SMAD5: variants seen among roughly 807,000 people sequenced by gnomAD.
SMAD5 encodes MAD, mothers against decapentaplegic homolog 5.
A neutral mutation model predicts 43.1 loss-of-function variants in SMAD5; 9 were observed. The ratio of observed to expected loss-of-function variants is 0.21; its 90% confidence interval spans 0.13 to 0.36. The LOEUF is 0.36. SMAD5 is among the 10% of genes least tolerant of loss of function. The pLI, the probability that SMAD5 is intolerant of heterozygous loss-of-function variation, is 1.00. For synonymous variants in SMAD5, 190 were observed against 192.4 expected, an observed-to-expected ratio of 0.99 and a Z score of 0.10; for missense variants, 348 against 574.0, an observed-to-expected ratio of 0.61 and a Z score of 4.02.
chr5:136,143,533 C>T (rs1012272064), intron 1 of SMAD5, among the ~76,000 whole-genome samples: 3 of 151,992 alleles, frequency 2.0e-5, no homozygotes, highest in African/African-American at 7.2e-5. Flanking sequence ...TGTGGTTGTG[C>T]CTTTCCCTTT....
At chr5:136,169,388 G>A (rs1472349492) in intron 5 of SMAD5, among the ~76,000 whole-genome samples, 4 of 152,048 alleles carry the variant, frequency 2.6e-5, no homozygotes, top group South Asian at 2.1e-4. Flanking sequence ...CTCCTTTGGC[G>A]ACACACCCAC....
At chr5:136,160,161 T>C (rs1753777891) in intron 3 of SMAD5, among the ~76,000 whole-genome samples, 1 of 152,232 alleles carries the variant, frequency 6.6e-6, no homozygotes, top group South Asian at 2.1e-4. Context: ...ATTTTCATTA[T>C]GGTCATATTT....
intron 5 of SMAD5, among the ~76,000 whole-genome samples, chr5:136,165,576 C>A (rs1251171173): frequency 6.6e-6 from 1 of 150,938 alleles, no homozygotes; most frequent in Non-Finnish European, 1.5e-5. Context: ...TTCTCCTTTT[C>A]CCCCAGCCCT....
chr5:136,150,946 G>T (rs1469475487), intron 2 of SMAD5, among the ~76,000 whole-genome samples: 1 of 151,914 alleles, frequency 6.6e-6, no homozygotes, highest in East Asian at 1.9e-4. Flanking sequence ...AGAATCTGGT[G>T]GGCACAGTGG....
At chr5:136,162,247 A>G (rs1331120349) in intron 4 of SMAD5, among the ~76,000 whole-genome samples, 1 of 152,152 alleles carries the variant, frequency 6.6e-6, no homozygotes, top group Non-Finnish European at 1.5e-5. Context: ...GTGAGAGGAA[A>G]CTCGGGTAAC....
chr5:136,148,110 A>G (rs1221817733), intron 2 of SMAD5, among the ~76,000 whole-genome samples: 3 of 151,862 alleles, frequency 2.0e-5, no homozygotes, highest in Non-Finnish European at 2.9e-5. Flanking sequence ...ACATTAGCTT[A>G]TAGTAACTGT....
At chr5:136,140,017 A>T (rs1753019483) in intron 1 of SMAD5, among the ~76,000 whole-genome samples, 1 of 150,028 alleles carries the variant, frequency 6.7e-6, no homozygotes, top group Non-Finnish European at 1.5e-5. Flanking sequence ...CTGGCCCAGG[A>T]TAACTCTTTT....
At chr5:136,151,681 C>G (rs1349614757) in intron 2 of SMAD5, among the ~76,000 whole-genome samples, 2 of 152,152 alleles carry the variant, frequency 1.3e-5, no homozygotes, top group Non-Finnish European at 2.9e-5. Context: ...CACATACTCT[C>G]TCACACATAC....
intron 3 of SMAD5, among the ~76,000 whole-genome samples, chr5:136,157,879 G>GAA (rs1561649131): frequency 6.6e-6 from 1 of 152,118 alleles, no homozygotes; most frequent in Non-Finnish European, 1.5e-5. Flanking sequence ...AAGACTGTGG[G>GAA]TTCTGGAGCC....
intron 2 of SMAD5, among the ~76,000 whole-genome samples, chr5:136,150,764 G>A (rs781046502): frequency 2.6e-5 from 4 of 151,964 alleles, no homozygotes; most frequent in African/African-American, 7.3e-5. Context: ...GTCTTGGTTC[G>A]TCTTCTTTCT....
chr5:136,161,534 A>T (rs938728049), intron 4 of SMAD5, among the ~76,000 whole-genome samples: 8 of 152,210 alleles, frequency 5.3e-5, no homozygotes, highest in African/African-American at 1.4e-4. Context: ...AGAGGTTCAG[A>T]CCCAGGTTTG....
At chr5:136,160,348 C>A (rs1206836057) in intron 3 of SMAD5, among the ~76,000 whole-genome samples, 3 of 152,160 alleles carry the variant, frequency 2.0e-5, no homozygotes, top group Admixed American at 2.0e-4. Context: ...CAACTTCACT[C>A]TGTAGTCTTA....
At chr5:136,157,812 G>A (rs1753689212) in intron 3 of SMAD5, among the ~76,000 whole-genome samples, 3 of 152,164 alleles carry the variant, frequency 2.0e-5, no homozygotes, top group Admixed American at 2.0e-4. Flanking sequence ...TCATAAGAGA[G>A]CATGAACTGG....
At chr5:136,146,841 T>C (rs1160757316) in intron 1 of SMAD5, among the ~76,000 whole-genome samples, 1 of 151,746 alleles carries the variant, frequency 6.6e-6, no homozygotes, top group Non-Finnish European at 1.5e-5. Flanking sequence ...ATTAAGAGAA[T>C]AGATGAGTAA....
Position 136,181,705 on chromosome 5 carries a change from C to T in SMAD5, c.*4225C>T, listed in dbSNP as rs566160034. On this transcript the variant is annotated 3_prime_UTR_variant, in exon 8 of 8. Transcript: ENST00000545279. ...GAAACCTGGAAAGTTCTTTGGAATTCGCTGAATTACAGTTTAGTATGTCCT... is the reference window on the plus strand; with the variant it reads ...GAAACCTGGAAAGTTCTTTGGAATTTGCTGAATTACAGTTTAGTATGTCCT... The T allele has an allele frequency of 7.2e-5, 11 of 152,232 alleles. No homozygotes were observed. The East Asian group carries it at 1.7e-3, about 24-fold the overall frequency. 9.4% of individuals were successfully genotyped at this position (152,232 alleles called of 1,614,324 possible).
chr5:136,173,609 A>G (rs1416676170), intron 6 of SMAD5, among the ~76,000 whole-genome samples: 1 of 152,002 alleles, frequency 6.6e-6, no homozygotes, highest in Non-Finnish European at 1.5e-5. Context: ...GAAGTAATTT[A>G]AGGGAAATCT....
At chr5:136,136,188 T>TCC (rs1372501674) in intron 1 of SMAD5, among the ~76,000 whole-genome samples, 3 of 151,852 alleles carry the variant, frequency 2.0e-5, no homozygotes, top group Non-Finnish European at 4.4e-5. Context: ...ACCCATGGCA[T>TCC]CCCCCCGCCA....
chr5:136,177,217 CTT>C, intron 7 of SMAD5, 118 bp from the exon 8 acceptor site: 4 of 784,892 alleles, frequency 5.1e-6, no homozygotes, highest in Non-Finnish European at 8.7e-6. Context: ...TAGTTATTCT[CTT>C]TATGTAACTT....
intron 5 of SMAD5, among the ~76,000 whole-genome samples, chr5:136,164,611 A>T (rs1410618908): frequency 1.3e-5 from 2 of 152,098 alleles, no homozygotes; most frequent in Non-Finnish European, 2.9e-5. Flanking sequence ...TATATTCTGG[A>T]TATGAATCCT....
Sources: gnomAD v4.1 joint callset for allele counts (sites outside exome capture counted in the v4.1 genomes callset) on GRCh38, gnomAD v4.1.1 for gene constraint, MANE v1.5 for transcripts, NCBI Gene and HGNC (gene_info 2026-07-23, HGNC 2026-07-21) for gene names.